QKI: variants seen among roughly 807,000 people sequenced by gnomAD.
QKI encodes QKI, KH domain containing RNA binding, also known as KH domain-containing RNA-binding protein QKI.
Under a neutral mutation model 39.0 loss-of-function variants are expected in QKI, and 10 were observed. The observed-to-expected ratio is 0.26, with a 90% confidence interval of 0.16 to 0.43. The LOEUF (loss-of-function observed/expected upper bound fraction) is 0.43, where lower values mean the gene tolerates loss of function less well. QKI is among the 20% of genes least tolerant of loss of function. The probability of loss-of-function intolerance (pLI) is 1.00; values close to 1 mark genes in which losing one functional copy is unlikely to be tolerated. For missense variants in QKI, 218 were observed against 428.0 expected (o/e 0.51, Z 4.33); for synonymous variants, 204 against 155.4 (o/e 1.31, Z -2.33).
chr6:163,499,417 TC>T (rs1778608413), intron 3 of QKI, among the ~76,000 whole-genome samples: 1 of 152,222 alleles, frequency 6.6e-6, no homozygotes, highest in Non-Finnish European at 1.5e-5. Context: ...TGAGGAATTC[TC>T]CTTTGATGAT....
At chr6:163,486,600 T>C (rs972379400) in intron 3 of QKI, among the ~76,000 whole-genome samples, 3 of 152,184 alleles carry the variant, frequency 2.0e-5, no homozygotes, top group Admixed American at 6.5e-5. Context: ...AAAATATATT[T>C]TAATTGGTCA....
At chr6:163,463,800 TC>T (rs1049389682) in intron 2 of QKI, among the ~76,000 whole-genome samples, 1 of 152,188 alleles carries the variant, frequency 6.6e-6, no homozygotes, top group African/African-American at 2.4e-5. Flanking sequence ...GAGTATGAGA[TC>T]CAATGCACAA....
chr6:163,555,509 C>CA (rs55958646), intron 4 of QKI, among the ~76,000 whole-genome samples: 36,403 of 79,386 alleles, frequency 0.46, 10,049 homozygotes, highest in East Asian at 0.66. Flanking sequence ...AACTCCAGCT[C>CA]AAAAAAAAAA....
At chr6:163,550,466 G>A (rs1391607019) in intron 4 of QKI, among the ~76,000 whole-genome samples, 1 of 152,082 alleles carries the variant, frequency 6.6e-6, no homozygotes, top group East Asian at 1.9e-4. Context: ...TTTCTTACAG[G>A]AATTTCAGTA....
At chr6:163,536,176 T>C (rs1320180014) in intron 4 of QKI, among the ~76,000 whole-genome samples, 3 of 152,178 alleles carry the variant, frequency 2.0e-5, no homozygotes, top group Non-Finnish European at 4.4e-5. Flanking sequence ...TTTATTTTTT[T>C]TAATGATCAG....
intron 3 of QKI, among the ~76,000 whole-genome samples, chr6:163,498,183 T>G (rs1778524301): frequency 1.1e-5 from 1 of 89,594 alleles, no homozygotes. Context: ...CTACCGCAGC[T>G]GTGGTAAAAA....
chr6:163,480,116 C>G (rs1792960213), intron 3 of QKI, among the ~76,000 whole-genome samples: 1 of 152,104 alleles, frequency 6.6e-6, no homozygotes, highest in South Asian at 2.1e-4. Context: ...CCTAGTTTGT[C>G]TTACCCAGCA....
chr6:163,568,483 A>C (rs537517208), intron 7 of QKI: 1 of 985,690 alleles, frequency 1.0e-6, no homozygotes, highest in Admixed American at 6.1e-5. Flanking sequence ...ATGCAGTGTC[A>C]GCAAACCGAA....
At chr6:163,415,463 C>T in intron 1 of QKI, 128 bp downstream of exon 1, 1 of 902,210 alleles carries the variant, frequency 1.1e-6, no homozygotes, top group East Asian at 3.7e-5. Context: ...GACTGGGAGG[C>T]CAGGAGGGCG....
In QKI at chr6:163,554,063, A is replaced by G. The variant is rs1782432663; in HGVS notation, c.547-7919A>G. On this transcript the variant is annotated intron_variant, in intron 4 of 7. Coordinates refer to ENST00000361752, the MANE Select transcript of QKI (RefSeq NM_006775.3). ...GAATAAAAGAGAAGAAAGCCTGTGT[A>G]ATGATGAAACCAAGACCCTGGCTTG... Among the ~76,000 whole-genome samples the G allele has an allele frequency of 1.3e-5, 2 of 152,190 alleles. 1 individual carries two copies. The highest frequency in any genetic ancestry group is 4.1e-4 in the South Asian group (2 of 4,828).
chr6:163,427,834 A>G (rs1347051849), intron 1 of QKI, among the ~76,000 whole-genome samples: 1 of 152,212 alleles, frequency 6.6e-6, no homozygotes, highest in African/African-American at 2.4e-5. Context: ...ATTCTTCTGA[A>G]TAATATCAGT....
chr6:163,449,890 T>G (rs556672520), intron 1 of QKI, among the ~76,000 whole-genome samples: 1 of 152,148 alleles, frequency 6.6e-6, no homozygotes, highest in Admixed American at 6.5e-5. Context: ...TTTTATTCTC[T>G]TAACAGTTTT....
chr6:163,448,120 A>G (rs1188475073), intron 1 of QKI, among the ~76,000 whole-genome samples: 1 of 152,186 alleles, frequency 6.6e-6, no homozygotes, highest in East Asian at 1.9e-4. Flanking sequence ...AATCAGGAAA[A>G]TCGAATTAAC....
At chr6:163,555,128 G>A (rs536354907) in intron 4 of QKI, among the ~76,000 whole-genome samples, 16 of 151,476 alleles carry the variant, frequency 1.1e-4, no homozygotes, top group Admixed American at 2.6e-4. Context: ...TTTTTTGTTT[G>A]GAAAACCTTT....
chr6:163,457,473 T>C, intron 2 of QKI: 1 of 455,994 alleles, frequency 2.2e-6, no homozygotes, highest in Non-Finnish European at 4.4e-6. Context: ...ACACAGTCCT[T>C]GGACCATAGT....
chr6:163,433,920 T>C (rs1216261302), intron 1 of QKI, among the ~76,000 whole-genome samples: 1 of 152,232 alleles, frequency 6.6e-6, no homozygotes, highest in African/African-American at 2.4e-5. Flanking sequence ...ATAATACTTG[T>C]CTGTACTGCC....
chr6:163,561,868 T>C (rs1783041143), intron 4 of QKI, 114 bp from the exon 5 acceptor site: 1 of 698,860 alleles, frequency 1.4e-6, no homozygotes, highest in Admixed American at 3.2e-5. Context: ...TTCCCCTTAT[T>C]AAAACAGGTG....
intron 3 of QKI, among the ~76,000 whole-genome samples, chr6:163,514,519 G>C (rs1779673597): frequency 6.6e-6 from 1 of 152,084 alleles, no homozygotes; most frequent in Non-Finnish European, 1.5e-5. Flanking sequence ...AGTTCTAAAA[G>C]AAAAATGGAG....
At chr6:163,445,596 C>T (rs1046450081) in intron 1 of QKI, among the ~76,000 whole-genome samples, 2 of 150,584 alleles carry the variant, frequency 1.3e-5, no homozygotes, top group Non-Finnish European at 3.0e-5. Context: ...CTCAGTGGAT[C>T]ATGCTGTGGA....
Sources: allele counts gnomAD v4.1 joint callset (sites outside exome capture counted in the v4.1 genomes callset), GRCh38; gene constraint gnomAD v4.1.1; transcripts MANE v1.5; gene names NCBI Gene and HGNC (gene_info 2026-07-23, HGNC 2026-07-21).